LYRM4: variants seen among roughly 807,000 people sequenced by gnomAD.
LYRM4 encodes the protein LYR motif containing 4, also known as LYR motif-containing protein 4.
Under a neutral mutation model 11.7 loss-of-function variants are expected in LYRM4, and 9 were observed. The ratio of observed to expected loss-of-function variants is 0.77; its 90% CI spans 0.46 to 1.34. The LOEUF (loss-of-function observed/expected upper bound fraction) is 1.34. Among genes scored for constraint, LYRM4 ranks in the 40% most tolerant of loss-of-function variants. LYRM4 has a pLI of 0.00. For synonymous variants in LYRM4, 42 were observed against 40.4 expected, an observed-to-expected ratio of 1.04 and a Z score of -0.15; for missense variants, 133 against 112.5, an observed-to-expected ratio of 1.18 and a Z score of -0.82.
At chr6:5,154,498 C>G (rs4960069) in intron 2 of LYRM4, among the ~76,000 whole-genome samples, 82,973 of 152,044 alleles carry the variant, frequency 0.55, 23,191 homozygotes, top group East Asian at 0.92. Flanking sequence ...AGAAGACAAC[C>G]CAACACCTCA....
chr6:5,132,198 ATT>A, intron 2 of LYRM4, among the ~76,000 whole-genome samples: 1 of 152,202 alleles, frequency 6.6e-6, no homozygotes, highest in African/African-American at 2.4e-5. Context: ...GGAAAGTGAC[ATT>A]TACTGGGCAT....
At chr6:5,094,160 G>GA in the LYRM4 span, among the ~76,000 whole-genome samples, 2 of 152,104 alleles carry the variant, frequency 1.3e-5, no homozygotes, top group Non-Finnish European at 2.9e-5. Flanking sequence ...TAATGTGAAA[G>GA]AAAAAAACCT....
chr6:5,248,469 T>C (rs1210124441), intron 1 of LYRM4, among the ~76,000 whole-genome samples: 3 of 152,240 alleles, frequency 2.0e-5, no homozygotes, highest in African/African-American at 7.2e-5. Flanking sequence ...CATCTTATCT[T>C]AGCACAGCAT....
intron 2 of LYRM4, among the ~76,000 whole-genome samples, chr6:5,173,582 A>G (rs1759549053): frequency 6.6e-6 from 1 of 152,252 alleles, no homozygotes; most frequent in African/African-American, 2.4e-5. Context: ...TCCTACATTA[A>G]CACATTTGAA....
chr6:5,099,859 C>A (rs972880195), downstream of LYRM4, among the ~76,000 whole-genome samples: 2 of 152,212 alleles, frequency 1.3e-5, no homozygotes, highest in African/African-American at 4.8e-5. The surrounding 1 kb of genome is among the most constrained non-coding windows in gnomAD (Gnocchi z 4.3). Flanking sequence ...AGATCCACTG[C>A]TCTGAACCAT....
chr6:5,216,622 C>T lies in LYRM4; in HGVS notation c.203G>A (p.Arg68Gln), dbSNP rs587777218. The T allele has an allele frequency of 2.5e-6, 4 of 1,613,950 alleles. No individual in the cohort carries two copies. Among genetic ancestry groups the T allele is most frequent in the South Asian group, 1.1e-5 (1 of 91,052 alleles). ...KAKRDLGVIR[R>Q]QVHIGQLYST... ...TACATCATTGAACCATCTTACCTGT[C>T]GACGAATTACTCCAAGGTCTCTCTT... is the stretch of plus-strand genomic sequence containing the variant. Residue 68 changes from arginine to glutamine, a missense_variant, in exon 2 of 3, where the codon CGA becomes CAA. Coordinates refer to ENST00000330636, the MANE Select transcript of LYRM4 (RefSeq NM_020408.6).
intron 2 of LYRM4, among the ~76,000 whole-genome samples, chr6:5,179,617 G>C (rs879286348): frequency 6.6e-6 from 1 of 152,058 alleles, no homozygotes; most frequent in Non-Finnish European, 1.5e-5. Context: ...CCTTTTTAAG[G>C]CTGCATAATA....
chr6:5,096,637 C>A, the LYRM4 span, among the ~76,000 whole-genome samples: 23 of 152,312 alleles, frequency 1.5e-4, no homozygotes, highest in East Asian at 4.0e-3. Context: ...CAGCTCACCC[C>A]TGGCTAGCCA....
chr6:5,035,315 C>T, the LYRM4 span, among the ~76,000 whole-genome samples: 1 of 152,052 alleles, frequency 6.6e-6, no homozygotes, highest in Admixed American at 6.5e-5. Flanking sequence ...GCCCTCTCCT[C>T]TCCATCTAGT....
At chr6:5,258,326 T>G (rs1210362779) in intron 1 of LYRM4, among the ~76,000 whole-genome samples, 1 of 152,272 alleles carries the variant, frequency 6.6e-6, no homozygotes, top group Non-Finnish European at 1.5e-5. Context: ...CTGCTTTTGA[T>G]TGCTTATTCA....
intron 1 of LYRM4, among the ~76,000 whole-genome samples, chr6:5,245,165 A>T (rs1406920045): frequency 7.1e-5 from 7 of 98,422 alleles, no homozygotes; most frequent in Non-Finnish European, 1.0e-4. Flanking sequence ...TATATATATA[A>T]AATAGGTGAA....
At chr6:5,032,371 A>G in the LYRM4 span, 6 of 152,188 alleles carry the variant, frequency 3.9e-5, no homozygotes, top group Non-Finnish European at 7.4e-5. Context: ...CTTTTTATTC[A>G]CTGTTTTTTA....
At chr6:5,100,963 C>T (rs1319245419), downstream of LYRM4, among the ~76,000 whole-genome samples, 1 of 152,210 alleles carries the variant, frequency 6.6e-6, no homozygotes, top group East Asian at 1.9e-4. Context: ...GCCCCGTCCT[C>T]TGCCAGCCCC....
the LYRM4 span, among the ~76,000 whole-genome samples, chr6:5,060,152 G>T: frequency 6.6e-6 from 1 of 152,234 alleles, no homozygotes; most frequent in Non-Finnish European, 1.5e-5. Flanking sequence ...AAATACATAT[G>T]TACACACGAA....
At chr6:5,212,699 A>G (rs987185647) in intron 2 of LYRM4, among the ~76,000 whole-genome samples, 10 of 152,244 alleles carry the variant, frequency 6.6e-5, no homozygotes, top group African/African-American at 2.2e-4. Context: ...AAAAGGTAGA[A>G]GAATGTCTCT....
chr6:5,135,062 C>A (rs192331787), intron 2 of LYRM4, among the ~76,000 whole-genome samples: 3 of 44,600 alleles, frequency 6.7e-5, no homozygotes, highest in Non-Finnish European at 8.9e-5. Flanking sequence ...GGATCGCTCC[C>A]GGGACTGTGG....
intron 2 of LYRM4, among the ~76,000 whole-genome samples, chr6:5,193,984 C>G (rs896326048): frequency 2.0e-5 from 3 of 146,440 alleles, no homozygotes; most frequent in Non-Finnish European, 4.4e-5. Flanking sequence ...TAAAAAGGCA[C>G]GTTATGTAGG....
At chr6:5,162,005 T>C (rs1208187158) in intron 2 of LYRM4, among the ~76,000 whole-genome samples, 2 of 152,156 alleles carry the variant, frequency 1.3e-5, no homozygotes, top group African/African-American at 4.8e-5. Context: ...ATTCCCAGGA[T>C]TTACAACAAC....
the LYRM4 span, among the ~76,000 whole-genome samples, chr6:5,077,542 G>C: frequency 6.6e-6 from 1 of 151,974 alleles, no homozygotes; most frequent in South Asian, 2.1e-4. Flanking sequence ...TTACATATTT[G>C]TGTTTACCAT....
Sources: allele counts gnomAD v4.1 joint callset (sites outside exome capture counted in the v4.1 genomes callset), GRCh38; gene constraint gnomAD v4.1.1; non-coding constraint Gnocchi (gnomAD v3.1); transcripts MANE v1.5; gene names NCBI Gene and HGNC (gene_info 2026-07-23, HGNC 2026-07-21).